The following NSD1 variants were observed in gnomAD, a reference collection of about 807,000 sequenced individuals.
The protein encoded by NSD1 is nuclear receptor binding SET domain protein 1.
Under a neutral mutation model 242.7 loss-of-function variants are expected in NSD1, and 26 were observed. That is an observed-to-expected ratio of 0.11 (90% CI 0.08 to 0.15). The LOEUF (loss-of-function observed/expected upper bound fraction) is 0.15. Ranked by LOEUF, NSD1 falls within the 10% of genes least tolerant of loss-of-function variation. The probability of loss-of-function intolerance (pLI) is 1.00; values close to 1 mark genes in which losing one functional copy is unlikely to be tolerated. For synonymous variants in NSD1, 1,106 were observed against 1,178.1 expected (o/e 0.94, Z 1.25); for missense variants, 2,495 against 3,272.8 (o/e 0.76, Z 5.80).
At chr5:177,157,781 C>G (rs764580835) in intron 2 of NSD1, among the ~76,000 whole-genome samples, 2 of 152,172 alleles carry the variant, frequency 1.3e-5, no homozygotes, top group Non-Finnish European at 2.9e-5. Context: ...TCCTCTAGCC[C>G]CTCACAACCA....
At chr5:177,221,006 G>C (rs1302842631) in intron 5 of NSD1, 2 of 454,810 alleles carry the variant, frequency 4.4e-6, no homozygotes, top group Non-Finnish European at 4.4e-6. Context: ...TGGGGCTACA[G>C]GTGCCTTCCA....
At chr5:177,266,107 C>G in intron 14 of NSD1, 3 of 1,126,364 alleles carry the variant, frequency 2.7e-6, no homozygotes, top group Non-Finnish European at 4.1e-6. Flanking sequence ...ACAGTGTGGC[C>G]CGTTCTGGGA....
intron 2 of NSD1, among the ~76,000 whole-genome samples, chr5:177,182,887 C>T (rs1399269730): frequency 3.9e-5 from 6 of 152,188 alleles, no homozygotes; most frequent in African/African-American, 1.4e-4. Context: ...ATCCGCCCAC[C>T]TCGGCCTCCC....
Position 177,212,120 on chromosome 5 carries a change from A to T in NSD1, c.3721A>T (p.Ser1241Cys), listed in dbSNP as rs1445568284. The T allele has an allele frequency of 6.2e-7, 1 of 1,614,158 alleles. No individual in the cohort carries two copies. The highest frequency in any genetic ancestry group is 8.5e-7 in the Non-Finnish European group (1 of 1,180,030). The change falls in exon 5 of 23, where the codon AGT (serine) becomes TGT (cysteine). Residue 1241 changes from serine to cysteine, a missense_variant. Ser to Cys is a moderately radical substitution (Grantham distance 112). Around this residue, in one of 19 missense-constraint regions of NSD1, gnomAD observed 426 missense variants for 411.4 expected, o/e 1.04. Coordinates refer to ENST00000439151, the MANE Select transcript of NSD1 (RefSeq NM_022455.5). ...ACGGTTAAATGTTTGTGATAAATCC[A>T]GTGCCAGCATTGGTGACATGGAAAA... ...GPRLNVCDKS[S>C]ASIGDMEKEP...
At chr5:177,293,755 G>A (rs1562307943) in intron 22 of NSD1, 77 bp from the exon 23 acceptor site, 42 of 1,523,504 alleles carry the variant, frequency 2.8e-5, no homozygotes, top group South Asian at 5.6e-5. Flanking sequence ...CCACACCTTC[G>A]GACTGTAGCA....
chr5:177,291,740 TTTTTGTCTTCTGTTTTG>T (rs1338457532), intron 21 of NSD1, among the ~76,000 whole-genome samples, 197 bp from the exon 22 acceptor site: 1 of 152,176 alleles, frequency 6.6e-6, no homozygotes, highest in Non-Finnish European at 1.5e-5. Context: ...AACACAAAGA[TTTTTGTCTTCTGTTTTG>T]TTCAGGTGGC....
intron 4 of NSD1, among the ~76,000 whole-genome samples, chr5:177,206,334 A>G (rs961135990): frequency 5.9e-5 from 9 of 151,994 alleles, no homozygotes; most frequent in African/African-American, 2.2e-4. Flanking sequence ...TAGAACGACA[A>G]GGTCTTGCCA....
Position 177,211,927 on chromosome 5 carries a change from A to T in NSD1, c.3528A>T (p.Arg1176Ser). 3 of 1,604,796 alleles carry T rather than the reference A, an allele frequency of 1.9e-6. No homozygotes were observed. The highest frequency in any genetic ancestry group is 1.7e-6 in the Non-Finnish European group (2 of 1,175,608). The change falls in exon 5 of 23, where the codon AGA (arginine) becomes AGT (serine). Residue 1176 changes from arginine (R) to serine (S), a missense_variant. Physicochemically the swap from Arg to Ser is moderately radical, Grantham distance 110 (BLOSUM62 -1). Around this residue, in one of 19 missense-constraint regions of NSD1, gnomAD observed 426 missense variants for 411.4 expected, o/e 1.04. Transcript: ENST00000439151. The stretch of plus-strand genomic sequence containing the variant: ...CTAAACCTCGTAAGCGCATGAACAG[A>T]TTTAAAGAGAAAGAAAACTCTGAGT... ...RRTKPRKRMN[R>S]FKEKENSECA...
chr5:177,160,822 G>A lies in NSD1; in HGVS notation c.927+24792G>A, dbSNP rs575341152. On this transcript the variant is annotated intron_variant, in intron 2 of 22. Coordinates refer to ENST00000439151, the MANE Select transcript of NSD1 (RefSeq NM_022455.5). ...GGCAACATGTGCTTGCTTGAGAGGA[G>A]CATGATCTAGGATTATAAGGACTGC... Among the ~76,000 whole-genome samples, 11 of 152,090 alleles carry A rather than the reference G, an allele frequency of 7.2e-5. 1 individual carries two copies. Among genetic ancestry groups the A allele is most frequent in the African/African-American group, 2.4e-4 (10 of 41,478 alleles).
chr5:177,213,979 T>G (rs1331730058), intron 5 of NSD1, among the ~76,000 whole-genome samples: 2 of 147,234 alleles, frequency 1.4e-5, no homozygotes, highest in Non-Finnish European at 3.0e-5. Context: ...CCTTTTTTGG[T>G]TTTTTTTTTG....
intron 22 of NSD1, among the ~76,000 whole-genome samples, chr5:177,293,497 T>C (rs1200238808): frequency 6.6e-6 from 1 of 151,828 alleles, no homozygotes; most frequent in Non-Finnish European, 1.5e-5. Context: ...ATATCTTAAG[T>C]TTCATGTAAA....
chr5:177,274,120 C>T (rs1758162716), intron 17 of NSD1, among the ~76,000 whole-genome samples: 1 of 152,106 alleles, frequency 6.6e-6, no homozygotes, highest in Admixed American at 6.5e-5. Flanking sequence ...TGCCACTACA[C>T]TCAAGCCTGG....
chr5:177,242,510 C>CTTT lies in NSD1; in HGVS notation c.4303-1684_4303-1682dup, dbSNP rs1428049171. On this transcript the variant is annotated intron_variant, in intron 8 of 22. Transcript: ENST00000439151. Reference sequence around the variant, plus strand: ...TTAGGAACTCTACAACAAAAATGGCCTTTATTATTTATTTATTTATTTATT... The same window carrying CTTT: ...TTAGGAACTCTACAACAAAAATGGCCTTTTTTATTATTTATTTATTTATTTATT... Among the ~76,000 whole-genome samples, 34 of 58,644 alleles carry CTTT rather than the reference C, an allele frequency of 5.8e-4. No homozygotes were observed. The South Asian group carries it at 0.014, about 24-fold the overall frequency. The allele number at this position is 58,644 out of a possible 152,430, so 38.5% of individuals were successfully genotyped here. A position where few individuals can be genotyped will look rare whatever the true frequency, so the allele number is the denominator to read the frequency against.
chr5:177,283,064 C>G (rs6870359), intron 19 of NSD1, among the ~76,000 whole-genome samples: 131,279 of 151,998 alleles, frequency 0.86, 57,218 homozygotes, highest in African/African-American at 0.92. Context: ...AGCGATTCTT[C>G]TGCCTCAGCC....
In NSD1 at chr5:177,135,490, A is replaced by C; in HGVS notation, c.387A>C (p.Glu129Asp). The change falls in exon 2 of 23, where the codon GAA (glutamate) becomes GAC (aspartate). Residue 129 changes from glutamate (E) to aspartate (D), a missense_variant. Around this residue, in one of 19 missense-constraint regions of NSD1, gnomAD observed 376 missense variants for 367.4 expected, o/e 1.02. Coordinates refer to ENST00000439151, the MANE Select transcript of NSD1 (RefSeq NM_022455.5). Reference protein sequence around the residue: ...GGPTALAMKQEPSCNNSPELQ... With the variant: ...GGPTALAMKQDPSCNNSPELQ... ...CTACAGCACTTGCTATGAAACAGGA[A>C]CCCTCTTGTAATAACTCCCCTGAAC... The C allele has an allele frequency of 6.2e-7, 1 of 1,614,168 alleles. No homozygotes were observed. Among genetic ancestry groups the C allele is most frequent in the Non-Finnish European group, 8.5e-7 (1 of 1,180,038 alleles).
chr5:177,187,660 A>G (rs2149816043), intron 2 of NSD1, among the ~76,000 whole-genome samples: 1 of 152,142 alleles, frequency 6.6e-6, no homozygotes, highest in East Asian at 1.9e-4. Flanking sequence ...CCCTCTCCTA[A>G]TGTCTGACCT....
chr5:177,143,325 A>G (rs1010314572), intron 2 of NSD1, among the ~76,000 whole-genome samples: 3 of 151,814 alleles, frequency 2.0e-5, no homozygotes, highest in Non-Finnish European at 4.4e-5. Flanking sequence ...ATTAAGGATA[A>G]TAATTTTTTT....
At position 177,210,431 on chromosome 5, in the gene NSD1, A is replaced by G. The variant is rs773904155; in HGVS notation, c.2032A>G (p.Met678Val). The G allele has an allele frequency of 1.1e-5, 18 of 1,614,056 alleles. No individual in the cohort carries two copies. The highest frequency in any genetic ancestry group is 5.3e-5 in the African/African-American group (4 of 74,936). The change falls in exon 5 of 23, where the codon ATG (methionine) becomes GTG (valine). Residue 678 changes from methionine to valine, a missense_variant. Met to Val is a conservative substitution (Grantham distance 21, BLOSUM62 1). Transcript: ENST00000439151. ...CGATAGAACAGAGAACATGTTATCT[A>G]TGCAGAAAAATGAAAAGATAAAGTA... ...AFDRTENMLSMQKNEKIKYSR... is the reference protein window; with the variant it reads ...AFDRTENMLSVQKNEKIKYSR...
intron 2 of NSD1, among the ~76,000 whole-genome samples, chr5:177,174,102 C>T (rs1334828253): frequency 1.3e-5 from 2 of 151,206 alleles, no homozygotes; most frequent in African/African-American, 2.4e-5. Context: ...CGCGGTGGCT[C>T]ACGCCTGTAA....
Sources: allele counts gnomAD v4.1 joint callset (sites outside exome capture counted in the v4.1 genomes callset), GRCh38; gene constraint gnomAD v4.1.1; regional missense constraint gnomAD v4.1.1; transcripts MANE v1.5; gene names NCBI Gene and HGNC (gene_info 2026-07-23, HGNC 2026-07-21).